MAP3K21: variants seen among roughly 807,000 people sequenced by gnomAD.
MAP3K21 encodes mitogen-activated protein kinase kinase kinase 21.
MAP3K21 carries 63 observed loss-of-function variants against 86.1 expected under a neutral mutation model. The observed-to-expected ratio is 0.73, with a 90% CI of 0.60 to 0.90. The LOEUF is 0.90. Ranked by LOEUF, MAP3K21 falls within the 40% of genes least tolerant of loss-of-function variation. MAP3K21 has a pLI of 0.00. For synonymous variants in MAP3K21, 558 were observed against 564.8 expected (o/e 0.99, Z 0.17); for missense variants, 1,220 against 1,367.7 (o/e 0.89, Z 1.70).
intron 1 of MAP3K21, among the ~76,000 whole-genome samples, chr1:233,332,764 C>A (rs941613634): frequency 6.6e-6 from 1 of 152,070 alleles, no homozygotes; most frequent in African/African-American, 2.4e-5. Flanking sequence ...TGCAGAAGTG[C>A]AAGATTGAAG....
At chr1:233,337,282 T>G (rs1036821563) in intron 1 of MAP3K21, among the ~76,000 whole-genome samples, 1 of 152,248 alleles carries the variant, frequency 6.6e-6, no homozygotes, top group African/African-American at 2.4e-5. Flanking sequence ...TTTACAAAAG[T>G]GGCATTGTGC....
chr1:233,356,996 T>A (rs565358945), intron 4 of MAP3K21, among the ~76,000 whole-genome samples: 1 of 152,176 alleles, frequency 6.6e-6, no homozygotes, highest in African/African-American at 2.4e-5. Flanking sequence ...AATGTCCGGG[T>A]GTGGTGGCTC....
chr1:233,360,152 G>A (rs925256086), intron 4 of MAP3K21, among the ~76,000 whole-genome samples: 1 of 152,136 alleles, frequency 6.6e-6, no homozygotes, highest in African/African-American at 2.4e-5. Context: ...TCACTGAAAA[G>A]TAATATCTTA....
chr1:233,376,046 TAGAAC>T lies in MAP3K21; in HGVS notation c.1810_1814del (p.Thr604LeufsTer40). The T allele has an allele frequency of 2.5e-6, 4 of 1,604,520 alleles. No homozygotes were observed. Among genetic ancestry groups the T allele is most frequent in the Non-Finnish European group, 3.4e-6 (4 of 1,177,854 alleles). The stretch of plus-strand genomic sequence containing the variant: ...GACCAAATTCCATTCAAATGAAAGA[TAGAAC>T]AGATTGCAAAGAAAGGTACGTGTGT... On this transcript the variant is annotated frameshift_variant, in exon 7 of 10. Transcript: ENST00000366624. LOFTEE classifies it high-confidence loss of function.
rs555976917 is a variant in MAP3K21, at chr1:233,369,234, A to C, written c.1553-2804A>C. Among the ~76,000 whole-genome samples the C allele has an allele frequency of 7.6e-4, 115 of 150,904 alleles. 2 individuals are homozygous for C. In the Middle Eastern group the frequency reaches 0.014, roughly 18 times the overall value. On this transcript the variant is annotated intron_variant, in intron 5 of 9. Transcript: ENST00000366624. ...CTAGTAAAATACAAAAAAAAAAAAA[A>C]AAAAAATTAGCCAGGTGTGGTGGTG...
rs1280441520 is a variant in MAP3K21 at position 233,354,899 on chromosome 1, C to T, written c.1199C>T (p.Ala400Val). The T allele has an allele frequency of 6.2e-7, 1 of 1,613,840 alleles. No individual in the cohort carries two copies. Among genetic ancestry groups the T allele is most frequent in the Non-Finnish European group, 8.5e-7 (1 of 1,179,778 alleles). Reference protein sequence around the residue: ...SFALILEQLTAIEGAVMTEMP... With the variant: ...SFALILEQLTVIEGAVMTEMP... The stretch of plus-strand genomic sequence containing the variant: ...GCCTTAATTCTCGAACAGTTGACTG[C>T]TATTGAAGGGGCAGTGATGACTGAG... The change falls in exon 4 of 10, where the codon GCT (alanine) becomes GTT (valine). Residue 400 changes from alanine to valine, a missense_variant. Around this residue, in one of 5 missense-constraint regions of MAP3K21, gnomAD observed 126 missense variants for 127.7 expected, o/e 0.99. Coordinates refer to ENST00000366624, the MANE Select transcript of MAP3K21 (RefSeq NM_032435.3).
rs1174804705 is a variant in MAP3K21 at position 233,384,610 on chromosome 1, G to A, written c.*1899G>A. ...AAATCATCAATACATGAAAGAAAAA[G>A]GATGGAAACTATGTCCTCAGTTTTA... On this transcript the variant is annotated 3_prime_UTR_variant, in exon 10 of 10. Coordinates refer to ENST00000366624, the MANE Select transcript of MAP3K21 (RefSeq NM_032435.3). 6.6e-6 allele frequency: 1 copy of A among 152,048 alleles called. No individual in the cohort carries two copies. The highest frequency in any genetic ancestry group is 1.5e-5 in the Non-Finnish European group (1 of 67,998). 9.4% of individuals were successfully genotyped at this position (152,048 alleles called of 1,614,324 possible). A position where few individuals can be genotyped will look rare whatever the true frequency, so the allele number is the denominator to read the frequency against.
chr1:233,329,585 C>A (rs905998219), intron 1 of MAP3K21, among the ~76,000 whole-genome samples: 6 of 151,538 alleles, frequency 4.0e-5, no homozygotes, highest in Non-Finnish European at 8.8e-5. Flanking sequence ...ACCCGGGAGG[C>A]GGAAGTTGCA....
Position 233,383,182 on chromosome 1 carries a change from G to T in MAP3K21, c.*471G>T, listed in dbSNP as rs1047213324. 6.5e-6 allele frequency: 1 copy of T among 153,060 alleles called. No individual in the cohort carries two copies. The highest frequency in any genetic ancestry group is 6.5e-5 in the Admixed American group (1 of 15,448). 9.5% of individuals were successfully genotyped at this position (153,060 alleles called of 1,614,324 possible). On this transcript the variant is annotated 3_prime_UTR_variant, in exon 10 of 10. Coordinates refer to ENST00000366624, the MANE Select transcript of MAP3K21 (RefSeq NM_032435.3). ...TTAATTGTCATTTTTGCAACAAAAA[G>T]CCAAGAAAGAGCTTTAGTTTCTTGG... is the stretch of plus-strand genomic sequence containing the variant.
intron 8 of MAP3K21, among the ~76,000 whole-genome samples, chr1:233,377,939 A>G (rs1046323868): frequency 1.3e-5 from 2 of 152,154 alleles, no homozygotes; most frequent in Non-Finnish European, 2.9e-5. Context: ...TGCTCCTATG[A>G]GAATCTAATG....
At chr1:233,371,876 T>C (rs1219186176) in intron 5 of MAP3K21, among the ~76,000 whole-genome samples, 162 bp from the exon 6 acceptor site, 1 of 152,116 alleles carries the variant, frequency 6.6e-6, no homozygotes, top group Non-Finnish European at 1.5e-5. Context: ...TTTATTGACC[T>C]GAACCCCGAG....
chr1:233,367,713 A>T (rs1021549883), intron 5 of MAP3K21, among the ~76,000 whole-genome samples: 2 of 151,992 alleles, frequency 1.3e-5, no homozygotes, highest in Non-Finnish European at 2.9e-5. Flanking sequence ...TACAAATATT[A>T]GATGGGCGTG....
In MAP3K21 at chr1:233,328,327, GC is replaced by G. The variant is rs1353027707; in HGVS notation, c.301del (p.Arg101AlafsTer26). 2 of 1,472,248 alleles carry G rather than the reference GC, an allele frequency of 1.4e-6. No individual in the cohort carries two copies. Among genetic ancestry groups the G allele is most frequent in the Non-Finnish European group, 1.8e-6 (2 of 1,120,204 alleles). 91.2% of individuals were successfully genotyped at this position (1,472,248 alleles called of 1,614,324 possible). A position where few individuals can be genotyped will look rare whatever the true frequency, so the allele number is the denominator to read the frequency against. Reference protein sequence around the residue: ...GIFPANYVAPCRPAASPAPPP... With the variant: ...GIFPANYVAPXRPAASPAPPP... ...TTCCCCGCCAACTACGTGGCTCCCT[GC>G]CGCCCGGCCGCCAGCCCCGCGCCGC... On this transcript the variant is annotated frameshift_variant, in exon 1 of 10. Transcript: ENST00000366624. LOFTEE classifies it high-confidence loss of function. The surrounding 1 kb of genome is among the most constrained non-coding windows in gnomAD (Gnocchi z 8.7).
intron 5 of MAP3K21, among the ~76,000 whole-genome samples, chr1:233,366,664 C>T (rs1406429766): frequency 6.6e-6 from 1 of 152,214 alleles, no homozygotes; most frequent in Non-Finnish European, 1.5e-5. Context: ...TTCTCCGAAA[C>T]ATATTCTAGA....
intron 6 of MAP3K21, among the ~76,000 whole-genome samples, chr1:233,374,528 A>G (rs1042423148): frequency 2.6e-5 from 4 of 152,174 alleles, no homozygotes; most frequent in Admixed American, 2.6e-4. Context: ...TGTGTATTTT[A>G]AAATTTGGAA....
intron 2 of MAP3K21, among the ~76,000 whole-genome samples, chr1:233,349,115 G>C (rs1364852181): frequency 6.6e-6 from 1 of 152,184 alleles, no homozygotes; most frequent in Non-Finnish European, 1.5e-5. Context: ...AAAAATACAA[G>C]TGCTTGAGCC....
Position 233,328,154 on chromosome 1 carries a change from G to A in MAP3K21, c.126G>A (p.Leu42=), listed in dbSNP as rs1438502855. 3.4e-6 allele frequency: 5 copies of A among 1,451,870 alleles called. No homozygotes were observed. Among genetic ancestry groups the A allele is most frequent in the South Asian group, 2.7e-5 (2 of 74,254 alleles). 89.9% of individuals were successfully genotyped at this position (1,451,870 alleles called of 1,614,324 possible). A position where few individuals can be genotyped will look rare whatever the true frequency, so the allele number is the denominator to read the frequency against. Residue 42 remains leucine, a synonymous_variant, in exon 1 of 10, where the codon CTG becomes CTA. Transcript: ENST00000366624. This position sits in a 1 kb window ranked among gnomAD's most constrained non-coding sequence, Gnocchi z 8.7. ...GCTCGGCCTCGGCGGGCGCGGGGCT[G>A]TGGGCCGCGCTCTATGACTACGAGG... The part of the protein sequence containing the change: ...SGGSASAGAG[L]WAALYDYEAR...
At chr1:233,347,246 T>C (rs556001829) in intron 2 of MAP3K21, among the ~76,000 whole-genome samples, 22 of 152,166 alleles carry the variant, frequency 1.4e-4, no homozygotes, top group Non-Finnish European at 2.4e-4. Context: ...ACAGGCAATA[T>C]TAGCATGGAA....
At position 233,379,699 on chromosome 1, in the gene MAP3K21, A is replaced by T. The variant is rs1202840151; in HGVS notation, c.2693A>T (p.Asn898Ile). The T allele has an allele frequency of 5.0e-6, 8 of 1,609,608 alleles. No individual in the cohort carries two copies. The African/African-American group carries it at 5.3e-5, about 11-fold the overall frequency. The change falls in exon 9 of 10, where the codon AAT (asparagine) becomes ATT (isoleucine). Residue 898 changes from asparagine (N) to isoleucine (I), a missense_variant. By Grantham distance (149) the Asn-to-Ile change is moderately radical. This residue lies in a region of MAP3K21 where 632 missense variants were observed against 691.3 expected (regional missense o/e 0.91). Coordinates refer to ENST00000366624, the MANE Select transcript of MAP3K21 (RefSeq NM_032435.3). ...SHHRRTMSDGNPTPTGATIIS... is the reference protein window; with the variant it reads ...SHHRRTMSDGIPTPTGATIIS... ...CACAGACGGACCATGTCTGATGGAA[A>T]TCCGACCCCAAGTAGGTTGCATTAA...
Sources: gnomAD v4.1 joint callset for allele counts (sites outside exome capture counted in the v4.1 genomes callset) on GRCh38, gnomAD v4.1.1 for gene constraint, gnomAD v4.1.1 regional missense constraint, Gnocchi (gnomAD v3.1) non-coding constraint, MANE v1.5 for transcripts, NCBI Gene and HGNC (gene_info 2026-07-23, HGNC 2026-07-21) for gene names.